The following AHI1 variants were observed in gnomAD, a reference collection of about 807,000 sequenced individuals.
AHI1 encodes Abelson helper integration site 1, also known as jouberin.
A neutral mutation model predicts 149.3 loss-of-function variants in AHI1; 123 were observed. The observed-to-expected ratio is 0.82, with a 90% confidence interval of 0.71 to 0.96. The LOEUF (loss-of-function observed/expected upper bound fraction) is 0.96, where lower values mean the gene tolerates loss of function less well. Among genes scored for constraint, AHI1 ranks in the 40% least tolerant of loss-of-function variants. AHI1 has a pLI of 0.00. For synonymous variants in AHI1, 475 were observed against 459.8 expected (o/e 1.03, Z -0.42); for missense variants, 1,439 against 1,422.7 (o/e 1.01, Z -0.18).
chr6:135,371,047 CT>C (rs1439201809), intron 23 of AHI1, among the ~76,000 whole-genome samples: 1 of 152,136 alleles, frequency 6.6e-6, no homozygotes, highest in Non-Finnish European at 1.5e-5. Flanking sequence ...TTTTAGAAGG[CT>C]TTTATTTCTC....
chr6:135,401,378 A>G (rs1011861958), intron 22 of AHI1, among the ~76,000 whole-genome samples: 2 of 152,204 alleles, frequency 1.3e-5, no homozygotes, highest in Non-Finnish European at 2.9e-5. Context: ...AATACTTGGT[A>G]GATACTCAAT....
intron 24 of AHI1, among the ~76,000 whole-genome samples, chr6:135,336,915 C>T (rs1459097681): frequency 6.6e-6 from 1 of 152,164 alleles, no homozygotes; most frequent in Non-Finnish European, 1.5e-5. Context: ...TACACACACA[C>T]ATACACATAT....
rs988287798 is a variant in AHI1, at chr6:135,448,232, T to C, written c.1626+58A>G. ...CTTTTTAGAAATGAAAAACATGCTATGTCACCATTTAATTTCAACACTAGA... is the reference window on the plus strand; with the variant it reads ...CTTTTTAGAAATGAAAAACATGCTACGTCACCATTTAATTTCAACACTAGA... On this transcript the variant is annotated intron_variant, in intron 12 of 28. Coordinates refer to ENST00000265602, the MANE Select transcript of AHI1 (RefSeq NM_001134831.2). The C allele has an allele frequency of 2.1e-5, 26 of 1,215,226 alleles. No homozygotes were observed. In the Admixed American group the frequency reaches 4.4e-4, roughly 20 times the overall value. The allele number at this position is 1,215,226 out of a possible 1,614,324, so 75.3% of individuals were successfully genotyped here.
chr6:135,442,190 C>T (rs1330705070), intron 14 of AHI1, among the ~76,000 whole-genome samples: 1 of 152,032 alleles, frequency 6.6e-6, no homozygotes, highest in Non-Finnish European at 1.5e-5. Flanking sequence ...TATTGGTATT[C>T]CACTACACAG....
intron 24 of AHI1, among the ~76,000 whole-genome samples, chr6:135,338,675 A>G (rs1176703766): frequency 6.6e-6 from 1 of 152,232 alleles, no homozygotes; most frequent in Non-Finnish European, 1.5e-5. Context: ...ATAACAGCCA[A>G]ATAACAGTAA....
intron 4 of AHI1, among the ~76,000 whole-genome samples, chr6:135,491,714 G>A (rs1795275583): frequency 6.6e-6 from 1 of 152,200 alleles, no homozygotes; most frequent in Non-Finnish European, 1.5e-5. Context: ...ATGAATGGGT[G>A]CTCTAGAGCA....
chr6:135,490,009 A>T, intron 5 of AHI1: 1 of 497,062 alleles, frequency 2.0e-6, no homozygotes, highest in East Asian at 3.2e-5. Context: ...GTAGGGAGAT[A>T]GGTATAAAGA....
At chr6:135,317,861 G>A (rs1401256650) in intron 26 of AHI1, among the ~76,000 whole-genome samples, 2 of 152,190 alleles carry the variant, frequency 1.3e-5, no homozygotes, top group East Asian at 3.8e-4. Context: ...GAAGCAGTGA[G>A]GTTATTCAGT....
intron 17 of AHI1, among the ~76,000 whole-genome samples, chr6:135,430,792 A>G (rs1784539458): frequency 6.6e-6 from 1 of 152,008 alleles, no homozygotes; most frequent in East Asian, 1.9e-4. Flanking sequence ...TAATAACCGC[A>G]TAACTCTGAA....
chr6:135,383,226 CTTT>C (rs764546253), intron 23 of AHI1, among the ~76,000 whole-genome samples: 133 of 76,862 alleles, frequency 1.7e-3, no homozygotes, highest in African/African-American at 8.2e-3. Flanking sequence ...TCCCCCCTCC[CTTT>C]TTTTTTTTTT....
chr6:135,312,881 T>C (rs893206154), intron 26 of AHI1, among the ~76,000 whole-genome samples: 1 of 152,234 alleles, frequency 6.6e-6, no homozygotes. Context: ...CCCACAATTT[T>C]AGTCACTTTA....
At chr6:135,370,156 A>G (rs2128454883) in intron 23 of AHI1, among the ~76,000 whole-genome samples, 1 of 152,338 alleles carries the variant, frequency 6.6e-6, no homozygotes, top group Middle Eastern at 3.4e-3. Context: ...TCCCTCAGAA[A>G]AGGCTCACCA....
At position 135,447,027 on chromosome 6, in the gene AHI1, C is replaced by CAA. The variant is rs749150931; in HGVS notation, c.1759_1760insTT (p.Trp587PhefsTer20). On this transcript the variant is annotated frameshift_variant, in exon 13 of 29. Transcript: ENST00000265602. LOFTEE classifies it high-confidence loss of function. ...CTTCACCTGCCCAGGGAGTCGTTTC[C>CAA]ACTTTATTACTTCCTTTGACTCTTC... 6.2e-7 allele frequency: 1 copy of CAA among 1,610,182 alleles called. No individual in the cohort carries two copies. The highest frequency in any genetic ancestry group is 2.2e-5 in the East Asian group (1 of 44,652).
intron 5 of AHI1, among the ~76,000 whole-genome samples, chr6:135,470,105 TAAAC>T (rs1303236671): frequency 1.0e-4 from 15 of 150,504 alleles, no homozygotes; most frequent in African/African-American, 3.4e-4. Context: ...ATAAGGAACT[TAAAC>T]AAATTTGTGA....
chr6:135,483,011 C>T (rs1437304978), intron 5 of AHI1, among the ~76,000 whole-genome samples: 2 of 148,368 alleles, frequency 1.3e-5, no homozygotes, highest in African/African-American at 2.5e-5. Flanking sequence ...CCTGCCTCGG[C>T]CTCCCAAGTA....
At chr6:135,415,870 A>C (rs1024093531) in intron 20 of AHI1, among the ~76,000 whole-genome samples, 1 of 152,206 alleles carries the variant, frequency 6.6e-6, no homozygotes, top group Admixed American at 6.6e-5. Context: ...CAGATTTATC[A>C]AAGTAATTAT....
Position 135,283,907 on chromosome 6 carries a change from A to G in AHI1, c.*1738T>C, listed in dbSNP as rs1781468398. The stretch of plus-strand genomic sequence containing the variant: ...CCCTGACATATTTTTCATTCATCTT[A>G]AATTATTTCTAAACTTGTTGAAATT... On this transcript the variant is annotated 3_prime_UTR_variant, in exon 29 of 29. Coordinates refer to ENST00000265602, the MANE Select transcript of AHI1 (RefSeq NM_001134831.2). 1 of 152,216 alleles carries G rather than the reference A, an allele frequency of 6.6e-6. No individual in the cohort carries two copies. The highest frequency in any genetic ancestry group is 2.1e-4 in the South Asian group (1 of 4,828). The allele number at this position is 152,216 out of a possible 1,614,324, so 9.4% of individuals were successfully genotyped here.
Position 135,429,884 on chromosome 6 carries a change from C to T in AHI1, c.2490G>A (p.Arg830=), listed in dbSNP as rs368942099. 2.8e-4 allele frequency: 422 copies of T among 1,519,080 alleles called. 1 individual carries two copies. In the African/African-American group the frequency reaches 5.0e-3, roughly 18 times the overall value. The allele number at this position is 1,519,080 out of a possible 1,614,324, so 94.1% of individuals were successfully genotyped here. A position where few individuals can be genotyped will look rare whatever the true frequency, so the allele number is the denominator to read the frequency against. The part of the protein sequence containing the change: ...KDSTLRIMDL[R]ILVARKFVGA... ...TGTCAACACTGAAATATACTTACATCCGGAGATCCATAATTCTCAAAGTAC... is the reference window on the plus strand; with the variant it reads ...TGTCAACACTGAAATATACTTACATTCGGAGATCCATAATTCTCAAAGTAC... Residue 830 remains arginine (R), a splice_region_variant and synonymous_variant, in exon 18 of 29, where the codon CGG becomes CGA. Coordinates refer to ENST00000265602, the MANE Select transcript of AHI1 (RefSeq NM_001134831.2).
intron 26 of AHI1, among the ~76,000 whole-genome samples, chr6:135,314,592 CT>C (rs1785671538): frequency 6.6e-6 from 1 of 152,158 alleles, no homozygotes; most frequent in African/African-American, 2.4e-5. Context: ...CCTTACAGTC[CT>C]TACATTGTTG....
Sources: allele counts gnomAD v4.1 joint callset (sites outside exome capture counted in the v4.1 genomes callset), GRCh38; gene constraint gnomAD v4.1.1; transcripts MANE v1.5; gene names NCBI Gene and HGNC (gene_info 2026-07-23, HGNC 2026-07-21).